Variants in FANCI observed in about 807,000 individuals in gnomAD.
FANCI encodes FA complementation group I, also known as Fanconi anemia group I protein.
A neutral mutation model predicts 176.1 loss-of-function variants in FANCI; 156 were observed. The observed-to-expected ratio is 0.89, with a 90% CI of 0.78 to 1.01. The LOEUF (loss-of-function observed/expected upper bound fraction) is 1.01, where lower values mean the gene tolerates loss of function less well. Among genes scored for constraint, FANCI ranks in the 50% least tolerant of loss-of-function variants. The pLI, the probability that FANCI is intolerant of heterozygous loss-of-function variation, is 0.00. For missense variants in FANCI, 1,678 were observed against 1,534.1 expected (o/e 1.09, Z -1.57); for synonymous variants, 613 against 541.7 (o/e 1.13, Z -1.83).
At chr15:89,258,204 C>T (rs140032254) in intron 2 of FANCI, among the ~76,000 whole-genome samples, 17 of 152,170 alleles carry the variant, frequency 1.1e-4, no homozygotes, top group South Asian at 2.1e-4. Flanking sequence ...CCTTCTTGTC[C>T]GCCAGGTCTC....
chr15:89,270,641 C>T (rs908488711), intron 10 of FANCI, among the ~76,000 whole-genome samples: 1 of 152,186 alleles, frequency 6.6e-6, no homozygotes, highest in Admixed American at 6.5e-5. Context: ...CCTCTCCTTT[C>T]CCTATTGTTT....
chr15:89,257,903 C>CT (rs1370438977), intron 2 of FANCI, among the ~76,000 whole-genome samples: 1 of 152,212 alleles, frequency 6.6e-6, no homozygotes, highest in East Asian at 1.9e-4. Flanking sequence ...TTTGAAAAAT[C>CT]TATCATCCCA....
At position 89,313,081 on chromosome 15, in the gene FANCI, T is replaced by G. The variant is rs559164891; in HGVS notation, c.3720+109T>G. 98 of 1,062,176 alleles carry G rather than the reference T, an allele frequency of 9.2e-5. 1 individual carries two copies. The highest frequency in any genetic ancestry group is 1.4e-4 in the Non-Finnish European group (94 of 686,788). 65.8% of individuals were successfully genotyped at this position (1,062,176 alleles called of 1,614,324 possible). A position where few individuals can be genotyped will look rare whatever the true frequency, so the allele number is the denominator to read the frequency against. On this transcript the variant is annotated intron_variant, in intron 35 of 37. Transcript: ENST00000310775. ...CACGTGTTGTATGATTCCATTTTCA[T>G]GAAGTGCCCAGAATAAATCATCTAA... is the stretch of plus-strand genomic sequence containing the variant.
intron 4 of FANCI, among the ~76,000 whole-genome samples, chr15:89,261,202 C>T (rs1035501405): frequency 5.3e-5 from 8 of 151,996 alleles, no homozygotes; most frequent in Non-Finnish European, 7.4e-5. Flanking sequence ...GCCAGGGAGG[C>T]GGAGGTTGCA....
At chr15:89,313,780 TTATAA>T (rs974449786) in intron 35 of FANCI, among the ~76,000 whole-genome samples, 2 of 152,086 alleles carry the variant, frequency 1.3e-5, no homozygotes, top group Admixed American at 6.5e-5. Context: ...GCTAAATAGG[TTATAA>T]TATATTTATA....
In FANCI at chr15:89,300,355, G is replaced by A. The variant is rs1163702996; in HGVS notation, c.2859G>A (p.Gln953=). Residue 953 remains glutamine, a synonymous_variant, in exon 26 of 38, where the codon CAG becomes CAA. Transcript: ENST00000310775. ...AAGATGCAGATGTCAGTGTCACTCA[G>A]AGAACAGCATTCCAGATCCGGCAAT... ...EREDADVSVT[Q]RTAFQIRQFQ... 2 of 1,614,054 alleles carry A rather than the reference G, an allele frequency of 1.2e-6. No individual in the cohort carries two copies. Among genetic ancestry groups the A allele is most frequent in the African/African-American group, 1.3e-5 (1 of 75,056 alleles).
At chr15:89,306,634 G>C (rs1012419954) in intron 32 of FANCI, among the ~76,000 whole-genome samples, 1 of 152,176 alleles carries the variant, frequency 6.6e-6, no homozygotes, top group African/African-American at 2.4e-5. Flanking sequence ...GGAGGTTGCA[G>C]TGAGCTGAGA....
chr15:89,263,550 C>G (rs955314049), intron 7 of FANCI, 90 bp downstream of exon 7: 7 of 1,096,266 alleles, frequency 6.4e-6, no homozygotes, highest in Admixed American at 1.7e-5. Flanking sequence ...AAACATCACT[C>G]TCTCCTGATT....
chr15:89,273,568 T>C, intron 11 of FANCI, 99 bp downstream of exon 11: 1 of 760,024 alleles, frequency 1.3e-6, no homozygotes, highest in Non-Finnish European at 2.3e-6. Flanking sequence ...TATCCGTTCC[T>C]AAACAATTTT....
intron 2 of FANCI, among the ~76,000 whole-genome samples, chr15:89,256,758 T>C (rs2052511952): frequency 6.6e-6 from 1 of 152,220 alleles, no homozygotes. Flanking sequence ...AATCATAAAC[T>C]GTGGGTAGAT....
chr15:89,269,019 C>T (rs1167525107), intron 10 of FANCI, among the ~76,000 whole-genome samples: 3 of 152,040 alleles, frequency 2.0e-5, no homozygotes, highest in Non-Finnish European at 2.9e-5. Flanking sequence ...GTGTTTTAAA[C>T]TATATTAAAA....
chr15:89,305,578 A>C (rs767105756), intron 30 of FANCI, 27 bp from the exon 31 acceptor site: 3 of 1,611,622 alleles, frequency 1.9e-6, no homozygotes, highest in South Asian at 1.1e-5. Context: ...TGTGTAGTGA[A>C]TCACACCAGG....
At chr15:89,289,596 G>A (rs904784954) in intron 18 of FANCI, among the ~76,000 whole-genome samples, 6 of 151,774 alleles carry the variant, frequency 4.0e-5, no homozygotes, top group Non-Finnish European at 4.4e-5. Flanking sequence ...ATGAGCCACC[G>A]TGTCTGGCCT....
Position 89,268,513 on chromosome 15 carries a change from G to A in FANCI, c.870G>A (p.Val290=). The change falls in exon 10 of 38, where the codon GTG becomes GTA. Residue 290 remains valine (V), a synonymous_variant. Transcript: ENST00000310775. ...ACTATGAACTAGGCAGAGAACTCGT[G>A]AAACACTTAAAGGTAGCATCAAACT... ...KLDYELGREL[V]KHLKVGQQGD... 3.1e-6 allele frequency: 5 copies of A among 1,614,170 alleles called. No homozygotes were observed. The highest frequency in any genetic ancestry group is 4.2e-6 in the Non-Finnish European group (5 of 1,180,016).
At chr15:89,249,197 A>G (rs561867033) in intron 2 of FANCI, among the ~76,000 whole-genome samples, 1 of 152,304 alleles carries the variant, frequency 6.6e-6, no homozygotes, top group South Asian at 2.1e-4. Flanking sequence ...AAAATGTCCC[A>G]CAGAAGATGA....
In FANCI at chr15:89,281,186, C is replaced by A; in HGVS notation, c.1398C>A (p.Ile466=). 6.2e-7 allele frequency: 1 copy of A among 1,613,584 alleles called. No individual in the cohort carries two copies. The highest frequency in any genetic ancestry group is 8.5e-7 in the Non-Finnish European group (1 of 1,179,668). The part of the protein sequence containing the change: ...ISHFLDLLSN[I]VMYAPLVLQS... ...GTTTTTCAGACCTGCTTTCAAATATCGTCATGTATGCACCCTTAGTTCTTC... is the reference window on the plus strand; with the variant it reads ...GTTTTTCAGACCTGCTTTCAAATATAGTCATGTATGCACCCTTAGTTCTTC... Residue 466 remains isoleucine (I), a synonymous_variant, in exon 15 of 38, where the codon ATC becomes ATA. Transcript: ENST00000310775.
chr15:89,280,107 C>T (rs908382400), intron 14 of FANCI, among the ~76,000 whole-genome samples: 1 of 152,084 alleles, frequency 6.6e-6, no homozygotes, highest in Non-Finnish European at 1.5e-5. Flanking sequence ...CTGCAACCTC[C>T]GCCTCCCGGG....
rs146550945 is a variant in FANCI at position 89,311,296 on chromosome 15, G to A, written c.3652-1608G>A. Among the ~76,000 whole-genome samples, 207 of 152,182 alleles carry A rather than the reference G, an allele frequency of 1.4e-3. 4 individuals are homozygous for A. The East Asian group carries it at 0.03, about 22-fold the overall frequency. The stretch of plus-strand genomic sequence containing the variant: ...TAGCCGGGCATGGTAGTGCGTGCCT[G>A]TAATCCCAGCTACTCGGGAAGCTGA... On this transcript the variant is annotated intron_variant, in intron 34 of 37. Coordinates refer to ENST00000310775, the MANE Select transcript of FANCI (RefSeq NM_001113378.2).
chr15:89,270,354 C>T (rs2053153683), intron 10 of FANCI, among the ~76,000 whole-genome samples: 2 of 152,080 alleles, frequency 1.3e-5, no homozygotes, highest in African/African-American at 2.4e-5. Flanking sequence ...ACATATGTAT[C>T]CCTTTGTATT....
Sources: allele counts gnomAD v4.1 joint callset (sites outside exome capture counted in the v4.1 genomes callset), GRCh38; gene constraint gnomAD v4.1.1; transcripts MANE v1.5; gene names NCBI Gene and HGNC (gene_info 2026-07-23, HGNC 2026-07-21).